ANO4: variants seen among roughly 807,000 people sequenced by gnomAD.
The protein encoded by ANO4 is anoctamin-4.
A neutral mutation model predicts 141.9 loss-of-function variants in ANO4; 69 were observed. That is an observed-to-expected ratio of 0.49 (90% CI 0.40 to 0.59). The LOEUF (loss-of-function observed/expected upper bound fraction) is 0.59. Among genes scored for constraint, ANO4 ranks in the 20% least tolerant of loss-of-function variants. The pLI is 0.00. For synonymous variants in ANO4, 350 were observed against 394.3 expected (o/e 0.89, Z 1.33); for missense variants, 894 against 1,162.2 (o/e 0.77, Z 3.36).
intron 9 of ANO4, among the ~76,000 whole-genome samples, chr12:101,031,043 C>A (rs1459618718): frequency 6.6e-6 from 1 of 152,174 alleles, no homozygotes; most frequent in African/African-American, 2.4e-5. Context: ...TGAAACTATT[C>A]CAAACAATAG....
At chr12:100,926,095 A>G (rs970949903) in intron 3 of ANO4, among the ~76,000 whole-genome samples, 3 of 152,118 alleles carry the variant, frequency 2.0e-5, no homozygotes, top group Admixed American at 6.6e-5. Context: ...GATAGAGTCA[A>G]TATTTAATTG....
At chr12:100,826,044 T>C (rs2036320369) in intron 1 of ANO4, among the ~76,000 whole-genome samples, 2 of 152,076 alleles carry the variant, frequency 1.3e-5, no homozygotes, top group African/African-American at 4.8e-5. Flanking sequence ...TGTAATTATT[T>C]ATAACTCAGC....
At chr12:100,723,822 C>A (rs1296995153) in intron 1 of ANO4, among the ~76,000 whole-genome samples, 1 of 152,084 alleles carries the variant, frequency 6.6e-6, no homozygotes, top group African/African-American at 2.4e-5. Context: ...TTAGTGAGGG[C>A]CTTAACATAT....
rs532051395 is a variant in ANO4, at chr12:101,031,750, G to A, written c.842-5345G>A. Among the ~76,000 whole-genome samples the A allele has an allele frequency of 7.9e-5, 12 of 152,180 alleles. 1 individual carries two copies. In the East Asian group the frequency reaches 1.6e-3, roughly 20 times the overall value. ...TCAGCAAAGTCTCAGGATACAAAAT[G>A]AATGTGAAAAAATCACAGGCATTCC... On this transcript the variant is annotated intron_variant, in intron 9 of 27. Coordinates refer to ENST00000392977, the MANE Select transcript of ANO4 (RefSeq NM_001286615.2).
At chr12:100,779,149 T>G (rs1402565799) in intron 3 of ANO4, among the ~76,000 whole-genome samples, 4 of 152,218 alleles carry the variant, frequency 2.6e-5, no homozygotes, top group African/African-American at 9.7e-5. Context: ...GAGAGTGTGA[T>G]GCAGTAGATC....
At chr12:100,796,096 C>T (rs2034301167) in intron 1 of ANO4, among the ~76,000 whole-genome samples, 1 of 150,378 alleles carries the variant, frequency 6.6e-6, no homozygotes, top group South Asian at 2.1e-4. Flanking sequence ...AGCATCATTC[C>T]AAAGAATAGC....
chr12:100,732,675 ATT>A (rs2031429480), intron 1 of ANO4, among the ~76,000 whole-genome samples: 1 of 152,024 alleles, frequency 6.6e-6, no homozygotes, highest in Non-Finnish European at 1.5e-5. Context: ...GAGTTTTTAA[ATT>A]TTGTGTTCCT....
chr12:100,877,988 G>A (rs1038094690), intron 1 of ANO4, among the ~76,000 whole-genome samples: 3 of 152,102 alleles, frequency 2.0e-5, no homozygotes, highest in Non-Finnish European at 2.9e-5. Flanking sequence ...CCCTAGTGGC[G>A]AGCAGGTGAA....
intron 1 of ANO4, among the ~76,000 whole-genome samples, chr12:100,720,530 G>C (rs1291817077): frequency 2.6e-5 from 4 of 151,678 alleles, no homozygotes; most frequent in African/African-American, 9.7e-5. Flanking sequence ...AGTCTGAGCC[G>C]GTGTTGTTAT....
At chr12:100,801,531 A>G (rs2034689892) in intron 1 of ANO4, among the ~76,000 whole-genome samples, 1 of 150,490 alleles carries the variant, frequency 6.6e-6, no homozygotes, top group African/African-American at 2.4e-5. Context: ...CACAATTCCT[A>G]TCCTCCAGAA....
At chr12:101,082,410 T>A (rs1299046982) in intron 15 of ANO4, among the ~76,000 whole-genome samples, 1 of 152,190 alleles carries the variant, frequency 6.6e-6, no homozygotes, top group Non-Finnish European at 1.5e-5. Context: ...AATGGACAGA[T>A]ACATCCAGGA....
intron 7 of ANO4, among the ~76,000 whole-genome samples, chr12:100,976,301 A>G (rs1202475443): frequency 6.6e-6 from 1 of 152,220 alleles, no homozygotes; most frequent in African/African-American, 2.4e-5. Context: ...GGGTTTACTC[A>G]AATGCATGTT....
At chr12:100,797,223 A>G (rs1452231995) in intron 1 of ANO4, among the ~76,000 whole-genome samples, 1 of 151,118 alleles carries the variant, frequency 6.6e-6, no homozygotes, top group Non-Finnish European at 1.5e-5. Flanking sequence ...AAATTGTTGT[A>G]GCATGCCCAT....
At chr12:101,024,393 C>T (rs982019527) in intron 9 of ANO4, among the ~76,000 whole-genome samples, 3 of 152,038 alleles carry the variant, frequency 2.0e-5, no homozygotes, top group African/African-American at 2.4e-5. Context: ...GTCAGGAGTT[C>T]GAGATCAGCC....
intron 5 of ANO4, among the ~76,000 whole-genome samples, chr12:100,951,756 G>T (rs2937993): frequency 6.6e-6 from 1 of 152,016 alleles, no homozygotes; most frequent in Non-Finnish European, 1.5e-5. Context: ...ACAAAAGATT[G>T]TGGATAGCTG....
Position 100,942,472 on chromosome 12 carries a change from G to C in ANO4, c.393G>C (p.Gln131His). The C allele has an allele frequency of 1.1e-5, 17 of 1,614,000 alleles. No homozygotes were observed. Among genetic ancestry groups the C allele is most frequent in the Non-Finnish European group, 1.4e-5 (17 of 1,179,984 alleles). Residue 131 changes from glutamine (Q) to histidine (H), a missense_variant, in exon 5 of 28, where the codon CAG becomes CAC. Around this residue, in one of 2 missense-constraint regions of ANO4, gnomAD observed 257 missense variants for 253.0 expected, o/e 1.02. Coordinates refer to ENST00000392977, the MANE Select transcript of ANO4 (RefSeq NM_001286615.2). ...YILVYRKSNP[Q>H]TEKREVFERN... Reference sequence around the variant, plus strand: ...TTGTGTACAGAAAATCCAACCCCCAGACTGAAAAGAGAGAAGTATTTGAAA... The same window carrying C: ...TTGTGTACAGAAAATCCAACCCCCACACTGAAAAGAGAGAAGTATTTGAAA...
chr12:100,741,435 C>G (rs900839790), intron 3 of ANO4, among the ~76,000 whole-genome samples: 1 of 152,172 alleles, frequency 6.6e-6, no homozygotes, highest in Non-Finnish European at 1.5e-5. Context: ...ATTCCTGGGT[C>G]TTACCCCAGG....
intron 1 of ANO4, among the ~76,000 whole-genome samples, chr12:100,819,520 A>G (rs946979346): frequency 1.1e-4 from 16 of 151,952 alleles, no homozygotes; most frequent in African/African-American, 3.6e-4. Flanking sequence ...AGTGTGCTCA[A>G]TTTTATGACT....
At chr12:100,918,116 CAA>C (rs2041435859) in intron 2 of ANO4, among the ~76,000 whole-genome samples, 1 of 152,136 alleles carries the variant, frequency 6.6e-6, no homozygotes, top group Admixed American at 6.5e-5. Flanking sequence ...CACTTGTGGT[CAA>C]GAGTTTAAAA....
Sources: gnomAD v4.1 joint callset for allele counts (sites outside exome capture counted in the v4.1 genomes callset) on GRCh38, gnomAD v4.1.1 for gene constraint, gnomAD v4.1.1 regional missense constraint, MANE v1.5 for transcripts, NCBI Gene and HGNC (gene_info 2026-07-23, HGNC 2026-07-21) for gene names.